Variants in RBFOX1 observed in about 807,000 individuals in gnomAD.
RBFOX1 encodes RNA binding fox-1 homolog 1.
Under a neutral mutation model 57.7 loss-of-function variants are expected in RBFOX1, and 8 were observed. The ratio of observed to expected loss-of-function variants is 0.14; its 90% CI spans 0.08 to 0.25. The LOEUF (loss-of-function observed/expected upper bound fraction) is 0.25, where lower values mean the gene tolerates loss of function less well. Ranked by LOEUF, RBFOX1 falls within the 10% of genes least tolerant of loss-of-function variation. The pLI is 1.00. For synonymous variants in RBFOX1, 326 were observed against 222.4 expected, an observed-to-expected ratio of 1.47 and a Z score of -4.15; for missense variants, 611 against 548.5, an observed-to-expected ratio of 1.11 and a Z score of -1.14.
intron 4 of RBFOX1, among the ~76,000 whole-genome samples, chr16:7,286,369 T>C (rs74956464): frequency 0.012 from 1,790 of 152,186 alleles, 39 homozygotes; most frequent in African/African-American, 0.04. Context: ...ACTTTATTTC[T>C]TTAAATAAAA....
chr16:6,316,736 C>T (rs1432361679), intron 1 of RBFOX1, among the ~76,000 whole-genome samples: 1 of 152,144 alleles, frequency 6.6e-6, no homozygotes, highest in Non-Finnish European at 1.5e-5. Flanking sequence ...ACTGTGGGAG[C>T]TGTCTGGGCC....
intron 4 of RBFOX1, among the ~76,000 whole-genome samples, chr16:7,483,023 C>T (rs540694073): frequency 2.6e-5 from 4 of 152,270 alleles, no homozygotes; most frequent in African/African-American, 4.8e-5. Context: ...TGAACCTGGG[C>T]CCCTCAGCCT....
At chr16:7,340,300 C>G (rs939659132) in intron 4 of RBFOX1, among the ~76,000 whole-genome samples, 2 of 152,220 alleles carry the variant, frequency 1.3e-5, no homozygotes, top group African/African-American at 4.8e-5. Flanking sequence ...CACACACCAT[C>G]CCCTGGGGAG....
intron 3 of RBFOX1, among the ~76,000 whole-genome samples, chr16:6,909,735 T>C (rs2071071182): frequency 6.6e-6 from 1 of 151,458 alleles, no homozygotes; most frequent in Admixed American, 6.6e-5. Flanking sequence ...ATGACTGTTG[T>C]TGGTTTCACT....
In RBFOX1 at chr16:6,220,723, C is replaced by CA. The variant is rs1567708076; in HGVS notation, c.-126-96272_-126-96271insA. ...AGTAAGATAATGCTATGACTAACCG[C>CA]CCCCCCCCAGTGGAAAATAATGAAG... On this transcript the variant is annotated intron_variant, in intron 1 of 15. Transcript: ENST00000550418. Among the ~76,000 whole-genome samples, 40 of 12,096 alleles carry CA rather than the reference C, an allele frequency of 3.3e-3. 1 individual carries two copies. Among genetic ancestry groups the CA allele is most frequent in the Non-Finnish European group, 3.7e-3 (1 of 270 alleles). 7.9% of individuals were successfully genotyped at this position (12,096 alleles called of 152,430 possible).
rs375130769 is a variant in RBFOX1 at position 7,127,841 on chromosome 16, A to C, written c.27+75743A>C. 1.1e-4 allele frequency among the ~76,000 whole-genome samples: 16 copies of C among 152,318 alleles called. No individual in the cohort carries two copies. In the South Asian group the frequency reaches 1.4e-3, roughly 14 times the overall value. ...GAGCAAAGGTCGTTTGCAAGCATAT[A>C]AGGACTTTATTAAGCAGCATATTAA... On this transcript the variant is annotated intron_variant, in intron 4 of 15. Coordinates refer to ENST00000550418, the MANE Select transcript of RBFOX1 (RefSeq NM_018723.4).
At position 6,450,825 on chromosome 16, in the gene RBFOX1, ATATATATATATG is replaced by A. The variant is rs2094593749; in HGVS notation, c.-64+133770_-64+133781del. 5.5e-4 allele frequency among the ~76,000 whole-genome samples: 8 copies of A among 14,570 alleles called. 1 individual carries two copies. The highest frequency in any genetic ancestry group is 2.7e-3 in the South Asian group (1 of 372). 9.6% of individuals were successfully genotyped at this position (14,570 alleles called of 152,430 possible). On this transcript the variant is annotated intron_variant, in intron 2 of 15. Coordinates refer to ENST00000550418, the MANE Select transcript of RBFOX1 (RefSeq NM_018723.4). ...TGTATATATATATATATACATATAT[ATATATATATATG>A]TGTATATATATATATATATATATAT...
At chr16:6,957,820 C>T (rs574249320) in intron 3 of RBFOX1, among the ~76,000 whole-genome samples, 3 of 152,280 alleles carry the variant, frequency 2.0e-5, no homozygotes, top group East Asian at 3.9e-4. Flanking sequence ...TCTTTTCACA[C>T]AGCCTCTTTG....
chr16:5,852,585 G>A (rs774459090), intron 3 of RBFOX1, among the ~76,000 whole-genome samples: 4 of 152,202 alleles, frequency 2.6e-5, no homozygotes, highest in Non-Finnish European at 5.9e-5. Flanking sequence ...CTGCAGAAAA[G>A]ATGGCAGCTG....
At chr16:6,664,782 C>T (rs75411079) in intron 3 of RBFOX1, among the ~76,000 whole-genome samples, 2,477 of 152,232 alleles carry the variant, frequency 0.016, 41 homozygotes, top group African/African-American at 0.052. Context: ...CAGTTTTGTT[C>T]ACTCCTCCTA....
chr16:7,530,878 T>C lies in RBFOX1; in HGVS notation c.270+12489T>C, dbSNP rs937363763. Among the ~76,000 whole-genome samples the C allele has an allele frequency of 7.2e-5, 11 of 152,226 alleles. No individual in the cohort carries two copies. The East Asian group carries it at 1.9e-3, about 27-fold the overall frequency. On this transcript the variant is annotated intron_variant, in intron 5 of 15. Coordinates refer to ENST00000550418, the MANE Select transcript of RBFOX1 (RefSeq NM_018723.4). ...CATGGGTTCTCTGGCTTCTGGGCCATGGGGAGAAAGTCATCACCACCCAGA... is the reference window on the plus strand; with the variant it reads ...CATGGGTTCTCTGGCTTCTGGGCCACGGGGAGAAAGTCATCACCACCCAGA...
intron 2 of RBFOX1, among the ~76,000 whole-genome samples, chr16:6,604,520 T>C (rs2097899976): frequency 6.6e-6 from 1 of 152,136 alleles, no homozygotes; most frequent in African/African-American, 2.4e-5. Flanking sequence ...GGTTAAATGA[T>C]AGGAACTCTG....
chr16:7,510,515 GCGCGCGCA>G (rs143031548), intron 4 of RBFOX1, among the ~76,000 whole-genome samples: 5,765 of 151,018 alleles, frequency 0.038, 224 homozygotes, highest in African/African-American at 0.11. Flanking sequence ...GTGTGTGGGC[GCGCGCGCA>G]CGCGCGCACG....
At chr16:6,599,150 T>C (rs569458342) in intron 2 of RBFOX1, among the ~76,000 whole-genome samples, 4 of 152,346 alleles carry the variant, frequency 2.6e-5, no homozygotes, top group South Asian at 4.1e-4. Flanking sequence ...CATGTACTTG[T>C]ACAAATTTTT....
intron 4 of RBFOX1, among the ~76,000 whole-genome samples, chr16:7,222,712 G>A (rs1399696731): frequency 2.6e-5 from 4 of 152,204 alleles, no homozygotes; most frequent in African/African-American, 7.2e-5. Context: ...TGTTACAGGT[G>A]TAAGCCAATG....
At chr16:6,152,713 A>G (rs529693875) in intron 1 of RBFOX1, among the ~76,000 whole-genome samples, 3 of 152,098 alleles carry the variant, frequency 2.0e-5, no homozygotes, top group South Asian at 2.1e-4. Flanking sequence ...TGTGGAACAC[A>G]TCTTCCACGT....
intron 2 of RBFOX1, among the ~76,000 whole-genome samples, chr16:6,588,097 G>T (rs1242939215): frequency 2.6e-5 from 4 of 151,866 alleles, no homozygotes; most frequent in Admixed American, 2.6e-4. Context: ...TGGGCGTGGT[G>T]GCACACACCT....
chr16:5,545,370 G>A (rs890799000), intron 2 of RBFOX1, among the ~76,000 whole-genome samples: 1 of 152,100 alleles, frequency 6.6e-6, no homozygotes, highest in Admixed American at 6.6e-5. Flanking sequence ...TAGGAGACAG[G>A]TATTGCCCTA....
chr16:6,505,812 T>C (rs578196999), intron 2 of RBFOX1, among the ~76,000 whole-genome samples: 49 of 152,292 alleles, frequency 3.2e-4, no homozygotes, highest in Non-Finnish European at 6.2e-4. Context: ...TGATAACACA[T>C]TCATTCATTT....
Sources: allele counts gnomAD v4.1 joint callset (sites outside exome capture counted in the v4.1 genomes callset), GRCh38; gene constraint gnomAD v4.1.1; transcripts MANE v1.5; gene names NCBI Gene and HGNC (gene_info 2026-07-23, HGNC 2026-07-21).